The following DPP6 variants were observed in gnomAD, a reference collection of about 807,000 sequenced individuals.
The protein encoded by DPP6 is dipeptidyl peptidase like 6, also known as A-type potassium channel modulatory protein DPP6.
A neutral mutation model predicts 122.6 loss-of-function variants in DPP6; 69 were observed. The observed-to-expected ratio is 0.56, with a 90% CI of 0.46 to 0.69. DPP6 has a LOEUF of 0.69. DPP6 is among the 30% of genes least tolerant of loss of function. The probability of loss-of-function intolerance (pLI) is 0.00; values close to 1 mark genes in which losing one functional copy is unlikely to be tolerated. For missense variants in DPP6, 928 were observed against 1,116.9 expected, an observed-to-expected ratio of 0.83 and a Z score of 2.41; for synonymous variants, 418 against 433.1, an observed-to-expected ratio of 0.97 and a Z score of 0.43.
chr7:154,181,167 A>G (rs961171815), intron 1 of DPP6, among the ~76,000 whole-genome samples: 13 of 152,202 alleles, frequency 8.5e-5, no homozygotes, highest in Admixed American at 5.2e-4. Context: ...ATGCATTTCA[A>G]TGCCCAAACA....
At chr7:154,739,811 CA>C (rs561391852) in intron 8 of DPP6, among the ~76,000 whole-genome samples, 5 of 152,320 alleles carry the variant, frequency 3.3e-5, no homozygotes, top group Non-Finnish European at 5.9e-5. Context: ...GCACAGCCCT[CA>C]AACTGCATGG....
intron 1 of DPP6, among the ~76,000 whole-genome samples, chr7:154,136,756 A>G (rs1795576911): frequency 6.6e-6 from 1 of 152,220 alleles, no homozygotes; most frequent in African/African-American, 2.4e-5. Flanking sequence ...GACCCTCTGA[A>G]AAGAAGACTT....
chr7:154,089,505 A>T (rs1215463513), intron 1 of DPP6, among the ~76,000 whole-genome samples: 3 of 128,066 alleles, frequency 2.3e-5, no homozygotes, highest in Non-Finnish European at 5.0e-5. Context: ...ATTGTCTCAC[A>T]ATACTGTGTT....
At chr7:154,060,605 C>G (rs1459141970) in intron 1 of DPP6, among the ~76,000 whole-genome samples, 1 of 80,606 alleles carries the variant, frequency 1.2e-5, no homozygotes, top group Non-Finnish European at 2.3e-5. Flanking sequence ...GTCCCTCTTC[C>G]CCCCCCTGGC....
chr7:154,244,528 T>A (rs1181116418), intron 1 of DPP6, among the ~76,000 whole-genome samples: 1 of 152,128 alleles, frequency 6.6e-6, no homozygotes, highest in Non-Finnish European at 1.5e-5. Flanking sequence ...TGAAGACACC[T>A]GACTGTAAAA....
chr7:154,672,632 A>G (rs1246398759), intron 7 of DPP6, among the ~76,000 whole-genome samples: 6 of 152,194 alleles, frequency 3.9e-5, no homozygotes, highest in Non-Finnish European at 7.3e-5. Context: ...TTAATACTTG[A>G]GTTTAGTACC....
At chr7:154,017,051 T>C (rs1445653638) in intron 1 of DPP6, among the ~76,000 whole-genome samples, 2 of 152,218 alleles carry the variant, frequency 1.3e-5, no homozygotes, top group African/African-American at 2.4e-5. Context: ...CACAGCACAG[T>C]AGGGTGACTA....
At chr7:154,569,826 G>C in intron 5 of DPP6, among the ~76,000 whole-genome samples, 1 of 151,694 alleles carries the variant, frequency 6.6e-6, no homozygotes, top group East Asian at 1.9e-4. Flanking sequence ...CAAAGATACT[G>C]GACTTGGAAG....
Position 154,101,386 on chromosome 7 carries a change from C to T in DPP6, c.243+48323C>T, listed in dbSNP as rs530447632. 4.7e-5 allele frequency among the ~76,000 whole-genome samples: 7 copies of T among 149,500 alleles called. No individual in the cohort carries two copies. The South Asian group carries it at 1.5e-3, about 33-fold the overall frequency. ...CTTTCTCTTTCTCCTTCCATCCCTTCCCCTGTCCTCCTCTCCCTTTCTTCT... is the reference window on the plus strand; with the variant it reads ...CTTTCTCTTTCTCCTTCCATCCCTTTCCCTGTCCTCCTCTCCCTTTCTTCT... On this transcript the variant is annotated intron_variant, in intron 1 of 25. Coordinates refer to ENST00000377770, the MANE Select transcript of DPP6 (RefSeq NM_130797.4).
At position 154,232,395 on chromosome 7, in the gene DPP6, T is replaced by C. The variant is rs146372635; in HGVS notation, c.243+179332T>C. On this transcript the variant is annotated intron_variant, in intron 1 of 25. Transcript: ENST00000377770. ...GAGTGATCATCTACTGATAGCAAAA[T>C]CCTAGTCACCAGGGAGGGCTTTGGT... Among the ~76,000 whole-genome samples the C allele has an allele frequency of 4.2e-3, 635 of 152,222 alleles. 8 individuals are homozygous for C. Among genetic ancestry groups the C allele is most frequent in the African/African-American group, 0.014 (596 of 41,536 alleles).
chr7:154,696,354 C>T lies in DPP6; in HGVS notation c.762+26913C>T, dbSNP rs575033222. Among the ~76,000 whole-genome samples the T allele has an allele frequency of 2.6e-5, 4 of 152,268 alleles. No individual in the cohort carries two copies. In the South Asian group the frequency reaches 6.2e-4, roughly 24 times the overall value. ...TTACACGGGACCCAGTGACAGGAGT[C>T]GCAGTGAGTTCAGCCCTGGTCTGCC... On this transcript the variant is annotated intron_variant, in intron 7 of 25. Coordinates refer to ENST00000377770, the MANE Select transcript of DPP6 (RefSeq NM_130797.4).
At chr7:154,186,324 T>C (rs1798352005) in intron 1 of DPP6, among the ~76,000 whole-genome samples, 1 of 152,368 alleles carries the variant, frequency 6.6e-6, no homozygotes, top group South Asian at 2.1e-4. Context: ...ACATCAGTTG[T>C]GATGGATCAG....
intron 1 of DPP6, among the ~76,000 whole-genome samples, chr7:154,036,017 C>CGT (rs1563120515): frequency 3.1e-4 from 32 of 104,544 alleles, no homozygotes; most frequent in Non-Finnish European, 5.0e-4. Context: ...TACGCGCGCG[C>CGT]GCTTGTGTGT....
intron 1 of DPP6, among the ~76,000 whole-genome samples, chr7:154,017,646 G>A (rs990040392): frequency 6.7e-6 from 1 of 149,978 alleles, no homozygotes; most frequent in Admixed American, 6.7e-5. Flanking sequence ...GTTGCAGTGA[G>A]CTATGATGGC....
intron 6 of DPP6, among the ~76,000 whole-genome samples, chr7:154,663,086 A>G (rs1319274748): frequency 1.8e-5 from 1 of 54,496 alleles, no homozygotes; most frequent in Non-Finnish European, 4.8e-5. Flanking sequence ...TATATTGGCC[A>G]TAGCGTTCAT....
intron 1 of DPP6, among the ~76,000 whole-genome samples, chr7:154,034,210 TATACCTGGTCAAATCCTTCATAGCAA>T: frequency 6.6e-6 from 1 of 152,160 alleles, no homozygotes; most frequent in Non-Finnish European, 1.5e-5. Flanking sequence ...AAGATAGAGG[TATACCTGGTCAAATCCTTCATAGCAA>T]GAAAGATACT....
intron 1 of DPP6, among the ~76,000 whole-genome samples, chr7:154,265,913 C>G (rs1040009781): frequency 5.9e-5 from 9 of 152,096 alleles, no homozygotes; most frequent in Admixed American, 5.2e-4. Flanking sequence ...GAAGAAAAGA[C>G]AATTATCTAA....
chr7:154,100,976 C>T lies in DPP6; in HGVS notation c.243+47913C>T, dbSNP rs1441999688. Among the ~76,000 whole-genome samples, 16 of 139,166 alleles carry T rather than the reference C, an allele frequency of 1.1e-4. 2 individuals carry two copies. Among genetic ancestry groups the T allele is most frequent in the Non-Finnish European group, 1.8e-4 (11 of 62,570 alleles). The allele number at this position is 139,166 out of a possible 152,430, so 91.3% of individuals were successfully genotyped here. ...GGCTCACCTCCCCGTGACCGTGCAG[C>T]GTGCTGCTGGTCCTGCCAACGGTGC... is the stretch of plus-strand genomic sequence containing the variant. On this transcript the variant is annotated intron_variant, in intron 1 of 25. Transcript: ENST00000377770.
At chr7:154,545,333 T>C (rs963113841) in intron 4 of DPP6, among the ~76,000 whole-genome samples, 2 of 152,186 alleles carry the variant, frequency 1.3e-5, no homozygotes, top group African/African-American at 2.4e-5. Context: ...TGGTCCAAAA[T>C]TGGATCTTTG....
Sources: allele counts gnomAD v4.1 joint callset (sites outside exome capture counted in the v4.1 genomes callset), GRCh38; gene constraint gnomAD v4.1.1; transcripts MANE v1.5; gene names NCBI Gene and HGNC (gene_info 2026-07-23, HGNC 2026-07-21).